The following UBR1 variants were observed in gnomAD, a reference collection of about 807,000 sequenced individuals.
UBR1 encodes E3 ubiquitin-protein ligase UBR1.
In UBR1, 102 loss-of-function variants were observed where a neutral mutation model predicts 242.1. That is an observed-to-expected ratio of 0.42 (90% CI 0.36 to 0.50). UBR1 has a LOEUF of 0.50. Among genes scored for constraint, UBR1 ranks in the 20% least tolerant of loss-of-function variants. The probability of loss-of-function intolerance (pLI) is 0.01; values close to 1 mark genes in which losing one functional copy is unlikely to be tolerated. For synonymous variants in UBR1, 675 were observed against 684.8 expected (o/e 0.99, Z 0.22); for missense variants, 1,772 against 2,101.8 (o/e 0.84, Z 3.07).
At chr15:42,978,875 CGCG>C (rs2032331100) in intron 37 of UBR1, among the ~76,000 whole-genome samples, 1 of 148,252 alleles carries the variant, frequency 6.7e-6, no homozygotes, top group African/African-American at 2.5e-5. Context: ...ATTGCAGGCA[CGCG>C]CCACCACGCC....
At chr15:43,043,119 TATTGA>T in intron 15 of UBR1, 91 bp downstream of exon 15, 1 of 1,365,266 alleles carries the variant, frequency 7.3e-7, no homozygotes, top group Non-Finnish European at 1.0e-6. Context: ...TGTCTGTACA[TATTGA>T]GCACAGAACA....
intron 6 of UBR1, 84 bp from the exon 7 acceptor site, chr15:43,060,198 C>T: frequency 7.9e-7 from 1 of 1,272,120 alleles, no homozygotes; most frequent in Non-Finnish European, 1.2e-6. Flanking sequence ...ACTTAATGAG[C>T]TCTTAACTGA....
chr15:42,967,651 A>G (rs2032130335), intron 40 of UBR1, among the ~76,000 whole-genome samples: 1 of 152,050 alleles, frequency 6.6e-6, no homozygotes, highest in Non-Finnish European at 1.5e-5. Flanking sequence ...TGGTTAGTCA[A>G]TTGTAACAAA....
intron 27 of UBR1, among the ~76,000 whole-genome samples, chr15:43,019,167 T>C (rs1400010851): frequency 1.3e-5 from 2 of 152,102 alleles, no homozygotes; most frequent in Admixed American, 6.5e-5. Flanking sequence ...GTTCAAGCCA[T>C]TCTCCTGCCT....
chr15:42,943,915 C>T lies in UBR1; in HGVS notation c.*1414G>A, dbSNP rs1268343577. The T allele has an allele frequency of 6.6e-6, 1 of 152,386 alleles. No homozygotes were observed. The highest frequency in any genetic ancestry group is 1.5e-5 in the Non-Finnish European group (1 of 68,034). The allele number at this position is 152,386 out of a possible 1,614,324, so 9.4% of individuals were successfully genotyped here. Reference sequence around the variant, plus strand: ...GCCTGCTCATGCCAATCCCTTACTGCAAAATCCACTTTTCTTTACATAAAA... The same window carrying T: ...GCCTGCTCATGCCAATCCCTTACTGTAAAATCCACTTTTCTTTACATAAAA... On this transcript the variant is annotated 3_prime_UTR_variant, in exon 47 of 47. Coordinates refer to ENST00000290650, the MANE Select transcript of UBR1 (RefSeq NM_174916.3).
intron 20 of UBR1, among the ~76,000 whole-genome samples, chr15:43,030,859 C>A (rs1269724145): frequency 6.6e-6 from 1 of 152,216 alleles, no homozygotes; most frequent in Non-Finnish European, 1.5e-5. Flanking sequence ...ATGAATTCTA[C>A]AAATTTGCCA....
chr15:43,101,144 G>A (rs1296812940), intron 1 of UBR1, among the ~76,000 whole-genome samples: 2 of 152,210 alleles, frequency 1.3e-5, no homozygotes, highest in African/African-American at 4.8e-5. Context: ...GCCAGGATGA[G>A]TGAGGAGAAT....
chr15:43,041,627 CAAT>C (rs2033419381), intron 15 of UBR1, among the ~76,000 whole-genome samples: 1 of 152,036 alleles, frequency 6.6e-6, no homozygotes, highest in African/African-American at 2.4e-5. Flanking sequence ...TTAGATTTGA[CAAT>C]GAGTTTTTTG....
chr15:43,103,732 A>G (rs1392999217), intron 1 of UBR1, among the ~76,000 whole-genome samples: 1 of 152,268 alleles, frequency 6.6e-6, no homozygotes, highest in Non-Finnish European at 1.5e-5. Flanking sequence ...ACCAGGGATT[A>G]GACTCTAATG....
intron 1 of UBR1, among the ~76,000 whole-genome samples, chr15:43,096,993 T>C (rs2141369998): frequency 6.6e-6 from 1 of 152,174 alleles, no homozygotes; most frequent in African/African-American, 2.4e-5. Context: ...TCCAAAAGTT[T>C]TTCAATTGAC....
chr15:42,961,878 T>A (rs1365063411), intron 42 of UBR1, among the ~76,000 whole-genome samples: 1 of 151,576 alleles, frequency 6.6e-6, no homozygotes, highest in African/African-American at 2.4e-5. Context: ...CCTCAGCCTC[T>A]TGAGTAGCTG....
At chr15:43,019,025 T>C (rs375501503) in intron 27 of UBR1, among the ~76,000 whole-genome samples, 3 of 152,226 alleles carry the variant, frequency 2.0e-5, no homozygotes, top group East Asian at 3.8e-4. Context: ...ATACTACATA[T>C]TCATAAAATC....
intron 40 of UBR1, 50 bp from the exon 41 acceptor site, chr15:42,966,336 C>T (rs906281020): frequency 1.2e-6 from 2 of 1,609,226 alleles, no homozygotes; most frequent in South Asian, 1.1e-5. Context: ...CAGACTAAAG[C>T]CCTAGATTTA....
intron 14 of UBR1, 135 bp downstream of exon 14, chr15:43,047,026 G>C: frequency 9.1e-7 from 1 of 1,098,402 alleles, no homozygotes; most frequent in Non-Finnish European, 1.3e-6. Flanking sequence ...AATTTAAAAA[G>C]AGAAATTCAA....
rs1358106468 is a variant in UBR1, at chr15:43,100,462, C to T, written c.81+5480G>A. ...CCACCAATCACTACTAATCTTACTA[C>T]AATAAATCATTAATGTTGATCCTCA... On this transcript the variant is annotated intron_variant, in intron 1 of 46. Coordinates refer to ENST00000290650, the MANE Select transcript of UBR1 (RefSeq NM_174916.3). Among the ~76,000 whole-genome samples the T allele has an allele frequency of 4.6e-5, 7 of 152,272 alleles. No homozygotes were observed. In the East Asian group the frequency reaches 1.4e-3, roughly 29 times the overall value.
intron 1 of UBR1, among the ~76,000 whole-genome samples, chr15:43,096,394 T>C (rs992563539): frequency 1.1e-4 from 17 of 152,180 alleles, no homozygotes; most frequent in African/African-American, 4.1e-4. Flanking sequence ...ACTCCTGACC[T>C]TAGGCAATCC....
intron 30 of UBR1, among the ~76,000 whole-genome samples, chr15:43,004,957 C>A (rs1240888889): frequency 1.3e-5 from 2 of 151,712 alleles, no homozygotes; most frequent in Admixed American, 6.6e-5. Context: ...CGGCACCCAT[C>A]GTCTGAGATG....
At chr15:43,049,961 T>G (rs1369002768) in intron 12 of UBR1, among the ~76,000 whole-genome samples, 1 of 148,494 alleles carries the variant, frequency 6.7e-6, no homozygotes, top group Non-Finnish European at 1.5e-5. Flanking sequence ...CCTGCCCCCG[T>G]TTTTTTTTTA....
chr15:43,086,250 AAGAAG>A lies in UBR1; in HGVS notation c.82-15_82-11del. 6.2e-7 allele frequency: 1 copy of A among 1,613,600 alleles called. No homozygotes were observed. The highest frequency in any genetic ancestry group is 8.5e-7 in the Non-Finnish European group (1 of 1,179,938). ...CTTGCTGATCCCACCACTAAAAGAA[AAGAAG>A]ATGAAAATTAGACTGACTTACAAGT... On this transcript the variant is annotated splice_polypyrimidine_tract_variant and intron_variant, in intron 1 of 46. Coordinates refer to ENST00000290650, the MANE Select transcript of UBR1 (RefSeq NM_174916.3).
Sources: gnomAD v4.1 joint callset for allele counts (sites outside exome capture counted in the v4.1 genomes callset) on GRCh38, gnomAD v4.1.1 for gene constraint, MANE v1.5 for transcripts, NCBI Gene and HGNC (gene_info 2026-07-23, HGNC 2026-07-21) for gene names.